The following NRXN1 variants were observed in gnomAD, a reference collection of about 807,000 sequenced individuals.
NRXN1 encodes the protein neurexin 1, also known as neurexin-1.
A neutral mutation model predicts 150.9 loss-of-function variants in NRXN1; 39 were observed. The observed-to-expected ratio is 0.26, with a 90% CI of 0.20 to 0.34. NRXN1 has a LOEUF of 0.34. Among genes scored for constraint, NRXN1 ranks in the 10% least tolerant of loss-of-function variants. The pLI, the probability that NRXN1 is intolerant of heterozygous loss-of-function variation, is 1.00. For missense variants in NRXN1, 1,815 were observed against 1,949.9 expected, an observed-to-expected ratio of 0.93 and a Z score of 1.30; for synonymous variants, 924 against 757.0, an observed-to-expected ratio of 1.22 and a Z score of -3.62.
chr2:50,468,738 C>A (rs1252525134), intron 16 of NRXN1, among the ~76,000 whole-genome samples: 2 of 151,118 alleles, frequency 1.3e-5, no homozygotes, highest in Admixed American at 6.6e-5. Flanking sequence ...AGGTGTGGGA[C>A]TTTAGGAATG....
intron 8 of NRXN1, among the ~76,000 whole-genome samples, chr2:50,572,065 G>A (rs1368300352): frequency 6.6e-6 from 1 of 152,142 alleles, no homozygotes; most frequent in Non-Finnish European, 1.5e-5. Flanking sequence ...ACTCTGGCGG[G>A]TTGCAGAGAA....
At chr2:50,962,717 A>G (rs17041144) in intron 2 of NRXN1, among the ~76,000 whole-genome samples, 7,139 of 151,706 alleles carry the variant, frequency 0.047, 306 homozygotes, top group East Asian at 0.23. Context: ...AGTTTTCATG[A>G]ATGTTGATTA....
intron 11 of NRXN1, among the ~76,000 whole-genome samples, chr2:50,530,024 T>C (rs918671698): frequency 1.3e-5 from 2 of 152,234 alleles, no homozygotes; most frequent in Admixed American, 6.5e-5. Flanking sequence ...CCTTGCCTCA[T>C]CACATTTTAT....
intron 5 of NRXN1, chr2:50,631,108 A>G: frequency 2.2e-6 from 1 of 452,446 alleles, no homozygotes; most frequent in Non-Finnish European, 4.5e-6. Flanking sequence ...ATTACTTTCA[A>G]GGGAGAGTAG....
intron 18 of NRXN1, among the ~76,000 whole-genome samples, chr2:50,211,792 T>C (rs1036201618): frequency 6.6e-6 from 1 of 151,512 alleles, no homozygotes; most frequent in Non-Finnish European, 1.5e-5. Context: ...AAATATCTCT[T>C]AGTCAACCAG....
At chr2:50,855,894 C>G (rs561863075) in intron 5 of NRXN1, among the ~76,000 whole-genome samples, 374 of 152,048 alleles carry the variant, frequency 2.5e-3, no homozygotes, top group African/African-American at 8.5e-3. Flanking sequence ...TACGGTTAAA[C>G]AAATTAATTT....
chr2:50,427,869 T>C (rs978414661), intron 17 of NRXN1, among the ~76,000 whole-genome samples: 6 of 152,184 alleles, frequency 3.9e-5, no homozygotes, highest in Non-Finnish European at 5.9e-5. Flanking sequence ...CTGAGAAAAA[T>C]GCCTGACTTT....
intron 5 of NRXN1, among the ~76,000 whole-genome samples, chr2:50,647,967 A>C (rs1264737450): frequency 6.6e-6 from 1 of 151,980 alleles, no homozygotes; most frequent in Non-Finnish European, 1.5e-5. Context: ...TAAAGGAAAC[A>C]GACCAAAATG....
At chr2:50,139,596 G>C (rs1229672260) in intron 18 of NRXN1, among the ~76,000 whole-genome samples, 1 of 151,496 alleles carries the variant, frequency 6.6e-6, no homozygotes, top group Non-Finnish European at 1.5e-5. Context: ...TTTAAAAAGA[G>C]AGGAAAAAAC....
chr2:50,844,497 C>T (rs890337219), intron 5 of NRXN1, among the ~76,000 whole-genome samples: 2 of 152,104 alleles, frequency 1.3e-5, no homozygotes, highest in African/African-American at 2.4e-5. Context: ...AAATTATATT[C>T]TCACATGTAC....
chr2:50,361,156 A>G (rs2079159137), intron 17 of NRXN1, among the ~76,000 whole-genome samples: 1 of 152,184 alleles, frequency 6.6e-6, no homozygotes, highest in African/African-American at 2.4e-5. Context: ...CCACAGGAGA[A>G]AGCAGGAAAG....
intron 5 of NRXN1, among the ~76,000 whole-genome samples, chr2:50,909,286 G>T (rs1034241153): frequency 6.6e-6 from 1 of 152,026 alleles, no homozygotes; most frequent in South Asian, 2.1e-4. Flanking sequence ...GAGGTAACAA[G>T]GTAACAAGTA....
intron 8 of NRXN1, among the ~76,000 whole-genome samples, chr2:50,578,880 A>T (rs1671830730): frequency 6.6e-6 from 1 of 152,154 alleles, no homozygotes; most frequent in African/African-American, 2.4e-5. Flanking sequence ...TGATGAGAAT[A>T]TTACATGAAC....
chr2:50,883,001 G>A (rs549198655), intron 5 of NRXN1, among the ~76,000 whole-genome samples: 10 of 151,834 alleles, frequency 6.6e-5, no homozygotes, highest in African/African-American at 1.9e-4. Context: ...TCATAGTAGC[G>A]AATGTTAACA....
chr2:50,364,005 C>T (rs13421083), intron 17 of NRXN1, among the ~76,000 whole-genome samples: 3,813 of 152,238 alleles, frequency 0.025, 131 homozygotes, highest in African/African-American at 0.086. Flanking sequence ...AAACTAAACA[C>T]TGCATGTTCT....
chr2:50,421,117 T>C (rs1458602526), intron 17 of NRXN1, among the ~76,000 whole-genome samples: 2 of 151,796 alleles, frequency 1.3e-5, no homozygotes, highest in Admixed American at 1.3e-4. Flanking sequence ...ACATTAATAA[T>C]GCAGAAATTT....
intron 21 of NRXN1, among the ~76,000 whole-genome samples, chr2:49,966,062 C>A (rs556028711): frequency 6.6e-6 from 1 of 152,146 alleles, no homozygotes; most frequent in Non-Finnish European, 1.5e-5. Flanking sequence ...AATATTTTCA[C>A]TTACAGTAAA....
intron 5 of NRXN1, among the ~76,000 whole-genome samples, chr2:50,749,362 C>T (rs1700338599): frequency 6.6e-6 from 1 of 151,984 alleles, no homozygotes; most frequent in Non-Finnish European, 1.5e-5. Context: ...TCTAAAAGTC[C>T]GTGAATCCCA....
intron 5 of NRXN1, among the ~76,000 whole-genome samples, chr2:50,735,764 T>C (rs981286293): frequency 6.6e-6 from 1 of 152,218 alleles, no homozygotes; most frequent in East Asian, 1.9e-4. Context: ...ACCTACCTAT[T>C]TGACATCTTT....
Sources: gnomAD v4.1 joint callset for allele counts (sites outside exome capture counted in the v4.1 genomes callset) on GRCh38, gnomAD v4.1.1 for gene constraint, MANE v1.5 for transcripts, NCBI Gene and HGNC (gene_info 2026-07-23, HGNC 2026-07-21) for gene names.